Variants in ENOX1 observed in about 807,000 individuals in gnomAD.
The protein encoded by ENOX1 is ecto-NOX disulfide-thiol exchanger 1.
In ENOX1, 42 loss-of-function variants were observed where a neutral mutation model predicts 82.5. The ratio of observed to expected loss-of-function variants is 0.51; its 90% CI spans 0.40 to 0.66. The LOEUF is 0.66. ENOX1 is among the 30% of genes least tolerant of loss of function. The probability of loss-of-function intolerance (pLI) is 0.00; values close to 1 mark genes in which losing one functional copy is unlikely to be tolerated. For missense variants in ENOX1, 608 were observed against 811.6 expected (o/e 0.75, Z 3.05); for synonymous variants, 271 against 282.2 (o/e 0.96, Z 0.40).
chr13:43,469,280 TTAAG>T (rs1460704505), intron 3 of ENOX1, among the ~76,000 whole-genome samples: 2 of 152,120 alleles, frequency 1.3e-5, no homozygotes, highest in African/African-American at 2.4e-5. Context: ...TTTCAAATGT[TTAAG>T]TAACCTTTTA....
At chr13:43,335,454 G>A (rs1049112561) in intron 9 of ENOX1, among the ~76,000 whole-genome samples, 4 of 152,054 alleles carry the variant, frequency 2.6e-5, no homozygotes, top group Non-Finnish European at 5.9e-5. Context: ...GTCCAGTGTA[G>A]CTCAGAGACT....
intron 2 of ENOX1, among the ~76,000 whole-genome samples, chr13:43,598,822 A>T (rs1160186224): frequency 6.6e-6 from 1 of 152,176 alleles, no homozygotes. Flanking sequence ...TTAGGATCCA[A>T]GGAGCAGTTT....
chr13:43,529,246 C>T (rs1030984475), intron 2 of ENOX1, among the ~76,000 whole-genome samples: 1 of 151,944 alleles, frequency 6.6e-6, no homozygotes, highest in Admixed American at 6.6e-5. Context: ...AGGATCCTTG[C>T]TGTAGGCACT....
chr13:43,611,553 T>C (rs1447994452), intron 2 of ENOX1, among the ~76,000 whole-genome samples: 1 of 152,196 alleles, frequency 6.6e-6, no homozygotes, highest in Non-Finnish European at 1.5e-5. Flanking sequence ...TTCAACTCCA[T>C]TAAGAATATA....
At chr13:43,447,155 T>C (rs549332265) in intron 3 of ENOX1, among the ~76,000 whole-genome samples, 2 of 152,180 alleles carry the variant, frequency 1.3e-5, no homozygotes, top group Non-Finnish European at 2.9e-5. Context: ...AAATAACACA[T>C]TGCAAATGTT....
chr13:43,334,364 T>G (rs778756530), intron 9 of ENOX1, among the ~76,000 whole-genome samples: 12 of 152,200 alleles, frequency 7.9e-5, no homozygotes, highest in African/African-American at 2.7e-4. Context: ...ACCCATTATA[T>G]GATGGGCCAA....
chr13:43,376,149 A>G (rs1209128057), intron 5 of ENOX1, among the ~76,000 whole-genome samples: 1 of 152,224 alleles, frequency 6.6e-6, no homozygotes, highest in Admixed American at 6.5e-5. Flanking sequence ...ACAGATCTTC[A>G]TGTTTTTTCA....
intron 1 of ENOX1, among the ~76,000 whole-genome samples, chr13:43,751,443 C>T (rs1482580542): frequency 6.6e-6 from 1 of 152,140 alleles, no homozygotes; most frequent in African/African-American, 2.4e-5. Context: ...GAACATATAT[C>T]CATACCTGTG....
chr13:43,359,346 T>G (rs1043565288), intron 7 of ENOX1, among the ~76,000 whole-genome samples: 2 of 152,174 alleles, frequency 1.3e-5, no homozygotes, highest in Non-Finnish European at 2.9e-5. Context: ...AAAAATCGCC[T>G]ATAAAAATTG....
chr13:43,261,902 G>A (rs553165385), intron 14 of ENOX1, among the ~76,000 whole-genome samples: 3 of 149,894 alleles, frequency 2.0e-5, no homozygotes, highest in Non-Finnish European at 4.4e-5. Flanking sequence ...TGACGAGTTA[G>A]TGGGTGCAGC....
In ENOX1 at chr13:43,470,372, A is replaced by G. The variant is rs77769243; in HGVS notation, c.-75+13637T>C. On this transcript the variant is annotated intron_variant, in intron 3 of 16. Coordinates refer to ENST00000690772, the MANE Select transcript of ENOX1 (RefSeq NM_001347969.2). ...TATATATGTATATATATACGTATAT[A>G]TATACATATATATACGTATATATAT... Among the ~76,000 whole-genome samples the G allele has an allele frequency of 4.4e-4, 13 of 29,768 alleles. 4 individuals carry two copies. Among genetic ancestry groups the G allele is most frequent in the Admixed American group, 3.1e-3 (10 of 3,228 alleles). The allele number at this position is 29,768 out of a possible 152,430, so 19.5% of individuals were successfully genotyped here.
chr13:43,638,418 G>A (rs778134249), intron 2 of ENOX1, among the ~76,000 whole-genome samples: 32 of 149,626 alleles, frequency 2.1e-4, no homozygotes, highest in African/African-American at 2.7e-4. Flanking sequence ...TTTTTTTTCC[G>A]AAAACTGTAA....
At chr13:43,758,117 T>C (rs1222924152) in intron 1 of ENOX1, among the ~76,000 whole-genome samples, 1 of 151,944 alleles carries the variant, frequency 6.6e-6, no homozygotes, top group African/African-American at 2.4e-5. Context: ...GTGCCTATAA[T>C]CCCAGCTACT....
At chr13:43,624,149 T>C (rs1331359694) in intron 2 of ENOX1, among the ~76,000 whole-genome samples, 1 of 152,220 alleles carries the variant, frequency 6.6e-6, no homozygotes, top group Non-Finnish European at 1.5e-5. Context: ...CTCATTGTGA[T>C]TTTAACTTGC....
chr13:43,518,089 T>C (rs1355992638), intron 2 of ENOX1, among the ~76,000 whole-genome samples: 2 of 152,140 alleles, frequency 1.3e-5, no homozygotes, highest in Non-Finnish European at 2.9e-5. Context: ...GCAGGAAACA[T>C]AGATGCTTGT....
At chr13:43,559,254 C>G (rs2079567956) in intron 2 of ENOX1, among the ~76,000 whole-genome samples, 1 of 152,180 alleles carries the variant, frequency 6.6e-6, no homozygotes, top group Non-Finnish European at 1.5e-5. Context: ...TCACAAAATG[C>G]TTCACAAAAA....
intron 8 of ENOX1, among the ~76,000 whole-genome samples, chr13:43,346,004 G>C (rs1323641070): frequency 6.6e-6 from 1 of 152,156 alleles, no homozygotes; most frequent in Non-Finnish European, 1.5e-5. Flanking sequence ...GGAGATGCAT[G>C]CTTGAGAAAA....
intron 1 of ENOX1, among the ~76,000 whole-genome samples, chr13:43,770,762 T>A (rs553135343): frequency 4.1e-4 from 62 of 152,218 alleles, no homozygotes; most frequent in African/African-American, 1.3e-3. Context: ...ACAATGGTTA[T>A]CTCTAGTAGG....
chr13:43,357,054 C>T (rs2050202269), intron 7 of ENOX1, among the ~76,000 whole-genome samples: 1 of 152,084 alleles, frequency 6.6e-6, no homozygotes, highest in African/African-American at 2.4e-5. Flanking sequence ...ACCAGTCAGC[C>T]GGCCTAACTT....
Sources: allele counts gnomAD v4.1 joint callset (sites outside exome capture counted in the v4.1 genomes callset), GRCh38; gene constraint gnomAD v4.1.1; transcripts MANE v1.5; gene names NCBI Gene and HGNC (gene_info 2026-07-23, HGNC 2026-07-21).